PRKN: variants seen among roughly 807,000 people sequenced by gnomAD.
PRKN encodes the protein E3 ubiquitin-protein ligase parkin.
PRKN carries 56 observed loss-of-function variants against 59.5 expected under a neutral mutation model. The ratio of observed to expected loss-of-function variants is 0.94; its 90% CI spans 0.76 to 1.18. The LOEUF (loss-of-function observed/expected upper bound fraction) is 1.18. PRKN is among the 50% of genes most tolerant of loss of function. The probability of loss-of-function intolerance (pLI) is 0.00; values close to 1 mark genes in which losing one functional copy is unlikely to be tolerated. For synonymous variants in PRKN, 250 were observed against 222.1 expected, an observed-to-expected ratio of 1.13 and a Z score of -1.12; for missense variants, 657 against 596.4, an observed-to-expected ratio of 1.10 and a Z score of -1.06.
chr6:162,288,586 A>G (rs964119843), intron 2 of PRKN, among the ~76,000 whole-genome samples: 2 of 152,130 alleles, frequency 1.3e-5, no homozygotes, highest in African/African-American at 4.8e-5. Flanking sequence ...GAAGCAAGTC[A>G]TCGTAAGTTC....
intron 6 of PRKN, among the ~76,000 whole-genome samples, chr6:161,837,944 T>C (rs1039634405): frequency 1.3e-5 from 2 of 152,152 alleles, no homozygotes; most frequent in Admixed American, 6.5e-5. Context: ...TGCTGAATCA[T>C]AGGAAGGACA....
At chr6:162,231,192 G>C (rs1416084866) in intron 3 of PRKN, among the ~76,000 whole-genome samples, 1 of 151,984 alleles carries the variant, frequency 6.6e-6, no homozygotes, top group Non-Finnish European at 1.5e-5. Flanking sequence ...ATATTTCAGA[G>C]AGCTGAGAGA....
chr6:161,683,974 C>A (rs186717207), intron 7 of PRKN, among the ~76,000 whole-genome samples: 110 of 152,166 alleles, frequency 7.2e-4, no homozygotes, highest in African/African-American at 2.5e-3. Flanking sequence ...CTGCATAAAA[C>A]AAAGGGTAAA....
chr6:162,517,486 G>T (rs1777913949), intron 1 of PRKN, among the ~76,000 whole-genome samples: 1 of 151,318 alleles, frequency 6.6e-6, no homozygotes. Context: ...TCGATCTCCT[G>T]ACCTTGTGAT....
At chr6:161,971,922 G>T (rs1177642979) in intron 6 of PRKN, among the ~76,000 whole-genome samples, 1 of 152,142 alleles carries the variant, frequency 6.6e-6, no homozygotes, top group African/African-American at 2.4e-5. Context: ...TTGCTTAAAA[G>T]TCTGAAACAA....
chr6:162,512,620 T>C (rs932356813), intron 1 of PRKN, among the ~76,000 whole-genome samples: 5 of 152,196 alleles, frequency 3.3e-5, no homozygotes, highest in Non-Finnish European at 7.3e-5. Flanking sequence ...GGCAACAATG[T>C]TATTACAAAA....
chr6:161,796,064 G>C lies in PRKN; in HGVS notation c.735-10156C>G, dbSNP rs963489534. On this transcript the variant is annotated intron_variant, in intron 6 of 11. Transcript: ENST00000366898. ...TAATATCCCAAGTGTGGTTGAATTG[G>C]GTTCCATTGTTTACAACATTTTGAG... Among the ~76,000 whole-genome samples, 11 of 152,128 alleles carry C rather than the reference G, an allele frequency of 7.2e-5. No individual in the cohort carries two copies. In the East Asian group the frequency reaches 1.9e-3, roughly 27 times the overall value.
chr6:161,694,598 T>C (rs1785938271), intron 7 of PRKN, among the ~76,000 whole-genome samples: 1 of 152,172 alleles, frequency 6.6e-6, no homozygotes, highest in Admixed American at 6.5e-5. Context: ...TCACATCATG[T>C]CCATTACATC....
chr6:161,658,052 A>C (rs1370750545), intron 7 of PRKN, among the ~76,000 whole-genome samples: 1 of 151,436 alleles, frequency 6.6e-6, no homozygotes, highest in Admixed American at 6.6e-5. Flanking sequence ...AAAGAAAAAA[A>C]CGGTGTGCCA....
At chr6:161,901,921 G>A (rs1777931413) in intron 6 of PRKN, among the ~76,000 whole-genome samples, 1 of 152,194 alleles carries the variant, frequency 6.6e-6, no homozygotes. Flanking sequence ...TTCCCCTGGA[G>A]AGAGTGGGAT....
chr6:161,596,749 A>G lies in PRKN; in HGVS notation c.872-27333T>C, dbSNP rs76440517. ...GATCATTTAAGAGCTAGTGCCCATT[A>G]GTTATAACAATGGTTGTAGGAGAAT... On this transcript the variant is annotated intron_variant, in intron 7 of 11. Coordinates refer to ENST00000366898, the MANE Select transcript of PRKN (RefSeq NM_004562.3). Among the ~76,000 whole-genome samples the G allele has an allele frequency of 6.4e-3, 981 of 152,306 alleles. 26 individuals are homozygous for G. In the East Asian group the frequency reaches 0.079, roughly 12 times the overall value.
At chr6:161,963,285 C>T (rs905478923) in intron 6 of PRKN, among the ~76,000 whole-genome samples, 24 of 152,230 alleles carry the variant, frequency 1.6e-4, no homozygotes, top group Non-Finnish European at 3.4e-4. Flanking sequence ...CAATATTGCC[C>T]TGCTCTTCCC....
intron 1 of PRKN, among the ~76,000 whole-genome samples, chr6:162,474,538 G>A (rs964925767): frequency 6.6e-6 from 1 of 152,040 alleles, no homozygotes; most frequent in African/African-American, 2.4e-5. Flanking sequence ...GTTGTAAAAG[G>A]TATTAAAATT....
At chr6:161,601,555 G>A (rs1443289434) in intron 7 of PRKN, among the ~76,000 whole-genome samples, 1 of 151,682 alleles carries the variant, frequency 6.6e-6, no homozygotes, top group East Asian at 1.9e-4. Context: ...TTTCTTTGAT[G>A]GAAATGTATA....
chr6:161,777,946 G>T, intron 7 of PRKN, among the ~76,000 whole-genome samples: 1 of 148,596 alleles, frequency 6.7e-6, no homozygotes, highest in Middle Eastern at 3.6e-3. Context: ...AACAGTCCCA[G>T]GGGTTTAAAA....
chr6:162,525,526 T>C (rs533178656), intron 1 of PRKN, among the ~76,000 whole-genome samples: 1 of 152,288 alleles, frequency 6.6e-6, no homozygotes, highest in Non-Finnish European at 1.5e-5. Context: ...ATTGGCTCCA[T>C]CTCCTCGACT....
In PRKN at chr6:162,301,934, G is replaced by A. The variant is rs569907897; in HGVS notation, c.172-39169C>T. ...CACAAATGTATTTCCAACTACCTAC[G>A]CAATATTCTCATTCTGATATCCTGT... On this transcript the variant is annotated intron_variant, in intron 2 of 11. Transcript: ENST00000366898. Among the ~76,000 whole-genome samples, 10 of 152,060 alleles carry A rather than the reference G, an allele frequency of 6.6e-5. 1 individual carries two copies. In the South Asian group the frequency reaches 1.5e-3, roughly 22 times the overall value.
At chr6:161,782,818 C>G (rs969699758) in intron 7 of PRKN, among the ~76,000 whole-genome samples, 4 of 151,890 alleles carry the variant, frequency 2.6e-5, no homozygotes, top group African/African-American at 9.7e-5. Flanking sequence ...CACTTGAACC[C>G]GGGAGGCCAA....
At chr6:161,840,630 C>T (rs1301466667) in intron 6 of PRKN, among the ~76,000 whole-genome samples, 1 of 152,146 alleles carries the variant, frequency 6.6e-6, no homozygotes, top group Non-Finnish European at 1.5e-5. Context: ...GCCCCAGTGC[C>T]TGTTTTTCCC....
Sources: gnomAD v4.1 joint callset for allele counts (sites outside exome capture counted in the v4.1 genomes callset) on GRCh38, gnomAD v4.1.1 for gene constraint, MANE v1.5 for transcripts, NCBI Gene and HGNC (gene_info 2026-07-23, HGNC 2026-07-21) for gene names.